SLC25A12: variants seen among roughly 807,000 people sequenced by gnomAD.
SLC25A12 encodes the protein electrogenic aspartate/glutamate antiporter SLC25A12, mitochondrial.
SLC25A12 carries 32 observed loss-of-function variants against 83.3 expected under a neutral mutation model. The ratio of observed to expected loss-of-function variants is 0.38; its 90% CI spans 0.29 to 0.52. The LOEUF is 0.52. Ranked by LOEUF, SLC25A12 falls within the 20% of genes least tolerant of loss-of-function variation. The pLI, the probability that SLC25A12 is intolerant of heterozygous loss-of-function variation, is 0.84. For synonymous variants in SLC25A12, 267 were observed against 291.1 expected (o/e 0.92, Z 0.84); for missense variants, 611 against 835.6 (o/e 0.73, Z 3.31).
intron 2 of SLC25A12, among the ~76,000 whole-genome samples, chr2:171,869,410 G>A (rs985427443): frequency 6.6e-6 from 1 of 152,102 alleles, no homozygotes; most frequent in Non-Finnish European, 1.5e-5. Flanking sequence ...AAGTGAAAGG[G>A]CAGCCAGGAC....
intron 8 of SLC25A12, among the ~76,000 whole-genome samples, chr2:171,829,258 C>T (rs1229394360): frequency 6.6e-6 from 1 of 152,108 alleles, no homozygotes. Flanking sequence ...GCAATTAGAC[C>T]TATTTTGCAA....
At chr2:171,796,779 A>G (rs1287554127) in intron 13 of SLC25A12, among the ~76,000 whole-genome samples, 1 of 152,224 alleles carries the variant, frequency 6.6e-6, no homozygotes, top group Non-Finnish European at 1.5e-5. Flanking sequence ...TTACTTTTGT[A>G]CCAACGTAAT....
chr2:171,803,923 C>T (rs984106874), intron 13 of SLC25A12, among the ~76,000 whole-genome samples: 1 of 152,120 alleles, frequency 6.6e-6, no homozygotes, highest in African/African-American at 2.4e-5. Flanking sequence ...CTTTGAAAAA[C>T]AGTCTGGCAG....
Position 171,848,137 on chromosome 2 carries a change from A to T in SLC25A12, c.326-3629T>A, listed in dbSNP as rs146900600. 1.2e-3 allele frequency: 545 copies of T among 470,068 alleles called. 6 individuals carry two copies. The Middle Eastern group carries it at 0.024, about 21-fold the overall frequency. The allele number at this position is 470,068 out of a possible 1,614,324, so 29.1% of individuals were successfully genotyped here. A position where few individuals can be genotyped will look rare whatever the true frequency, so the allele number is the denominator to read the frequency against. On this transcript the variant is annotated intron_variant, in intron 4 of 17. Transcript: ENST00000422440. ...CCCCTGGTTCTTATGGGCACTTCCTACTGGTCTTGTTCACCTTTCTGCAGT... is the reference window on the plus strand; with the variant it reads ...CCCCTGGTTCTTATGGGCACTTCCTTCTGGTCTTGTTCACCTTTCTGCAGT...
chr2:171,811,790 GCATCTATC>G (rs756811276), intron 11 of SLC25A12, among the ~76,000 whole-genome samples: 72 of 152,186 alleles, frequency 4.7e-4, no homozygotes, highest in Non-Finnish European at 5.0e-4. Context: ...TCTTCTGTAA[GCATCTATC>G]CATTGAGAAG....
At chr2:171,839,606 A>C (rs1425286499) in intron 5 of SLC25A12, among the ~76,000 whole-genome samples, 1 of 152,218 alleles carries the variant, frequency 6.6e-6, no homozygotes, top group East Asian at 1.9e-4. Context: ...TAAAATAACA[A>C]TAAAAGAACA....
intron 8 of SLC25A12, among the ~76,000 whole-genome samples, chr2:171,832,616 T>A (rs906419229): frequency 6.6e-6 from 1 of 152,130 alleles, no homozygotes; most frequent in Admixed American, 6.5e-5. Flanking sequence ...AAATGAGCCA[T>A]CCAACTCATA....
In SLC25A12 at chr2:171,834,022, T is replaced by G. The variant is rs748018920; in HGVS notation, c.786A>C (p.Gln262His). 1 of 1,610,940 alleles carries G rather than the reference T, an allele frequency of 6.2e-7. No homozygotes were observed. The highest frequency in any genetic ancestry group is 1.1e-5 in the South Asian group (1 of 90,994). Residue 262 changes from glutamine to histidine, a missense_variant, in exon 8 of 18, where the codon CAA becomes CAC. This residue lies in a region of SLC25A12 where 540 missense variants were observed against 777.5 expected (regional missense o/e 0.69). Coordinates refer to ENST00000422440, the MANE Select transcript of SLC25A12 (RefSeq NM_003705.5). ...GAATATCAATTTCTAGTGGTGTGACTTGTCCATAGCGTATGGCACTCTGGG... is the reference window on the plus strand; with the variant it reads ...GAATATCAATTTCTAGTGGTGTGACGTGTCCATAGCGTATGGCACTCTGGG... ...EFAQSAIRYG[Q>H]VTPLEIDILY... is the part of the protein sequence containing the mutation.
intron 5 of SLC25A12, among the ~76,000 whole-genome samples, chr2:171,840,396 GAGAAAA>G (rs1684647393): frequency 6.6e-6 from 1 of 150,698 alleles, no homozygotes; most frequent in South Asian, 2.1e-4. Context: ...AAAAAAAAAA[GAGAAAA>G]AGAAAAACAG....
At chr2:171,882,345 G>T (rs1178979808) in intron 2 of SLC25A12, among the ~76,000 whole-genome samples, 1 of 152,192 alleles carries the variant, frequency 6.6e-6, no homozygotes, top group Non-Finnish European at 1.5e-5. Flanking sequence ...TGGCCAATGA[G>T]AACACTGCCT....
intron 3 of SLC25A12, among the ~76,000 whole-genome samples, chr2:171,863,621 T>C (rs1007926596): frequency 6.6e-6 from 1 of 151,980 alleles, no homozygotes; most frequent in African/African-American, 2.4e-5. Context: ...GATACACTAC[T>C]GAGATAGAAT....
chr2:171,890,469 G>A (rs1448362141), intron 2 of SLC25A12, among the ~76,000 whole-genome samples: 1 of 121,714 alleles, frequency 8.2e-6, no homozygotes, highest in African/African-American at 3.1e-5. Context: ...ATACTGTATC[G>A]TGTGTGTCTG....
At chr2:171,827,035 C>G (rs1290577752) in intron 8 of SLC25A12, among the ~76,000 whole-genome samples, 153 bp from the exon 9 acceptor site, 1 of 151,556 alleles carries the variant, frequency 6.6e-6, no homozygotes, top group Admixed American at 6.6e-5. Context: ...AAATAAAAAC[C>G]TTTTAACTCT....
intron 5 of SLC25A12, among the ~76,000 whole-genome samples, chr2:171,842,239 A>G (rs1684694145): frequency 6.6e-6 from 1 of 152,028 alleles, no homozygotes; most frequent in South Asian, 2.1e-4. Context: ...ACATGCTATG[A>G]CATGGATAAT....
chr2:171,830,738 C>T (rs1169740776), intron 8 of SLC25A12, among the ~76,000 whole-genome samples: 1 of 152,200 alleles, frequency 6.6e-6, no homozygotes, highest in Non-Finnish European at 1.5e-5. Context: ...TGGCCTCGAA[C>T]TCCTGACCTC....
At chr2:171,857,260 A>G (rs537378615) in intron 3 of SLC25A12, among the ~76,000 whole-genome samples, 1 of 152,200 alleles carries the variant, frequency 6.6e-6, no homozygotes, top group South Asian at 2.1e-4. Context: ...AATCCCAACA[A>G]CTCAGGAGGC....
chr2:171,852,745 A>C (rs1016584495), intron 4 of SLC25A12: 10 of 445,566 alleles, frequency 2.2e-5, no homozygotes, highest in South Asian at 1.6e-4. Context: ...TGTAGTCTTG[A>C]ATATGGCTTG....
chr2:171,865,132 C>G (rs1274783975), intron 3 of SLC25A12, among the ~76,000 whole-genome samples: 1 of 151,938 alleles, frequency 6.6e-6, no homozygotes, highest in African/African-American at 2.4e-5. Context: ...ATTCCAGCAC[C>G]AAGAACAGTA....
chr2:171,855,890 A>G lies in SLC25A12; in HGVS notation c.269T>C (p.Met90Thr), dbSNP rs1573986066. The change falls in exon 4 of 18, where the codon ATG (methionine) becomes ACG (threonine). Residue 90 changes from methionine to threonine, a missense_variant. This residue lies in a region of SLC25A12 where 540 missense variants were observed against 777.5 expected (regional missense o/e 0.69). Coordinates refer to ENST00000422440, the MANE Select transcript of SLC25A12 (RefSeq NM_003705.5). ...AAACAACTGGAAAGCCACTATGAACATGGAATCTGGAGCACATAAAACAGA... is the reference window on the plus strand; with the variant it reads ...AAACAACTGGAAAGCCACTATGAACGTGGAATCTGGAGCACATAAAACAGA... ...FESVLCAPDS[M>T]FIVAFQLFDK... 2 of 1,613,812 alleles carry G rather than the reference A, an allele frequency of 1.2e-6. No homozygotes were observed. Among genetic ancestry groups the G allele is most frequent in the Non-Finnish European group, 8.5e-7 (1 of 1,179,720 alleles).
Sources: allele counts gnomAD v4.1 joint callset (sites outside exome capture counted in the v4.1 genomes callset), GRCh38; gene constraint gnomAD v4.1.1; regional missense constraint gnomAD v4.1.1; transcripts MANE v1.5; gene names NCBI Gene and HGNC (gene_info 2026-07-23, HGNC 2026-07-21).